The following DIPK1A variants were observed in gnomAD, a reference collection of about 807,000 sequenced individuals.
DIPK1A encodes family with sequence similarity 69 member A.
DIPK1A carries 27 observed loss-of-function variants against 40.8 expected under a neutral mutation model. That is an observed-to-expected ratio of 0.66 (90% CI 0.49 to 0.91). The LOEUF (loss-of-function observed/expected upper bound fraction) is 0.91. Among genes scored for constraint, DIPK1A ranks in the 40% least tolerant of loss-of-function variants. The pLI is 0.00. For synonymous variants in DIPK1A, 166 were observed against 171.3 expected (o/e 0.97, Z 0.24); for missense variants, 412 against 505.7 (o/e 0.81, Z 1.78).
intron 2 of DIPK1A, among the ~76,000 whole-genome samples, chr1:92,869,239 G>A (rs1647720598): frequency 6.6e-6 from 1 of 151,764 alleles, no homozygotes; most frequent in Non-Finnish European, 1.5e-5. Flanking sequence ...ATGGCTCACT[G>A]CAGCCTCGAC....
At chr1:92,924,696 T>A (rs1159789718) in intron 1 of DIPK1A, among the ~76,000 whole-genome samples, 2 of 152,202 alleles carry the variant, frequency 1.3e-5, no homozygotes, top group Non-Finnish European at 2.9e-5. Flanking sequence ...GCTCTAGATG[T>A]CGCAGTAGAT....
intron 4 of DIPK1A, among the ~76,000 whole-genome samples, chr1:92,835,699 G>A (rs1307510034): frequency 1.3e-5 from 2 of 151,380 alleles, no homozygotes; most frequent in African/African-American, 4.8e-5. Flanking sequence ...TAGTGTTTTG[G>A]AGAGTGGCCA....
intron 2 of DIPK1A, among the ~76,000 whole-genome samples, chr1:92,859,599 C>A (rs917000103): frequency 1.3e-5 from 2 of 152,214 alleles, no homozygotes; most frequent in South Asian, 4.1e-4. Flanking sequence ...AGCCAATGCT[C>A]GAGGCAGCTA....
chr1:92,894,560 T>C (rs917702677), intron 1 of DIPK1A, among the ~76,000 whole-genome samples: 3 of 151,982 alleles, frequency 2.0e-5, no homozygotes, highest in African/African-American at 7.3e-5. Context: ...AGGAAAGATC[T>C]AAAATTGACA....
intron 1 of DIPK1A, among the ~76,000 whole-genome samples, chr1:92,912,476 C>T (rs6604028): frequency 0.35 from 52,672 of 151,796 alleles, 9,604 homozygotes; most frequent in African/African-American, 0.37. Context: ...AAAATTCCCT[C>T]AGAACTAAAG....
chr1:92,937,756 T>C (rs1055465160), intron 1 of DIPK1A, among the ~76,000 whole-genome samples: 2 of 152,150 alleles, frequency 1.3e-5, no homozygotes, highest in African/African-American at 4.8e-5. Flanking sequence ...TAAAATGGTG[T>C]TCCTTGAGCA....
chr1:92,944,807 G>A (rs1651300244), intron 1 of DIPK1A, among the ~76,000 whole-genome samples: 10 of 151,978 alleles, frequency 6.6e-5, no homozygotes, highest in Admixed American at 6.6e-4. Context: ...CTTGAACCCA[G>A]GAATTTGAGA....
chr1:92,928,791 G>A lies in DIPK1A; in HGVS notation c.54+32585C>T, dbSNP rs1286256890. 5.9e-5 allele frequency among the ~76,000 whole-genome samples: 9 copies of A among 152,030 alleles called. No individual in the cohort carries two copies. In the East Asian group the frequency reaches 7.7e-4, roughly 13 times the overall value. ...AGCCTGGCCAACATGGCAAAACCCC[G>A]ACTCTACTAAAAATACAAAAATCAG... is the stretch of plus-strand genomic sequence containing the variant. On this transcript the variant is annotated intron_variant, in intron 1 of 4. Coordinates refer to ENST00000370310, the MANE Select transcript of DIPK1A (RefSeq NM_001006605.5).
intron 1 of DIPK1A, among the ~76,000 whole-genome samples, chr1:92,946,251 CATAATA>C (rs1283708943): frequency 2.0e-5 from 3 of 152,006 alleles, no homozygotes; most frequent in Non-Finnish European, 4.4e-5. Context: ...ATTAACAAGT[CATAATA>C]ATATAATATT....
chr1:92,942,720 C>T lies in DIPK1A; in HGVS notation c.54+18656G>A, dbSNP rs183132191. 4.5e-4 allele frequency among the ~76,000 whole-genome samples: 69 copies of T among 152,226 alleles called. 2 individuals carry two copies. In the South Asian group the frequency reaches 0.012, roughly 27 times the overall value. Reference sequence around the variant, plus strand: ...TGTCACCCAGGCTGGAGTGCAGTGGCGCGATCTTGGCTGACTGCAACCTCT... The same window carrying T: ...TGTCACCCAGGCTGGAGTGCAGTGGTGCGATCTTGGCTGACTGCAACCTCT... On this transcript the variant is annotated intron_variant, in intron 1 of 4. Coordinates refer to ENST00000370310, the MANE Select transcript of DIPK1A (RefSeq NM_001006605.5).
At chr1:92,925,666 G>C (rs958941012) in intron 1 of DIPK1A, among the ~76,000 whole-genome samples, 3 of 151,894 alleles carry the variant, frequency 2.0e-5, no homozygotes, top group Admixed American at 6.6e-5. Context: ...GCTTATTTTT[G>C]TATTTTTAGT....
chr1:92,896,352 A>G (rs1207832969), intron 1 of DIPK1A, among the ~76,000 whole-genome samples: 5 of 152,062 alleles, frequency 3.3e-5, no homozygotes, highest in African/African-American at 1.2e-4. Context: ...ATAATGCCAC[A>G]TATCTACAAC....
At chr1:92,870,363 T>C (rs955236179) in intron 2 of DIPK1A, among the ~76,000 whole-genome samples, 3 of 152,096 alleles carry the variant, frequency 2.0e-5, no homozygotes, top group Admixed American at 1.3e-4. Context: ...GTAGCTGGGA[T>C]TACAGGCACC....
At chr1:92,899,962 C>A (rs1004797464) in intron 1 of DIPK1A, among the ~76,000 whole-genome samples, 4 of 151,972 alleles carry the variant, frequency 2.6e-5, no homozygotes, top group African/African-American at 9.7e-5. Flanking sequence ...TCTCTCCTGG[C>A]CTGTAAGGTT....
chr1:92,833,276 A>T (rs549727048), intron 4 of DIPK1A: 1 of 855,526 alleles, frequency 1.2e-6, no homozygotes, highest in South Asian at 1.5e-5. Context: ...TACAAGTGAC[A>T]GTTGTCTGTT....
intron 1 of DIPK1A, among the ~76,000 whole-genome samples, chr1:92,911,824 A>T (rs1649837508): frequency 6.6e-6 from 1 of 151,722 alleles, no homozygotes; most frequent in Non-Finnish European, 1.5e-5. Flanking sequence ...AACATGGTGA[A>T]ACCTCATCTC....
intron 1 of DIPK1A, among the ~76,000 whole-genome samples, chr1:92,908,836 C>T (rs1028344940): frequency 1.4e-4 from 22 of 152,188 alleles, no homozygotes; most frequent in African/African-American, 4.3e-4. Context: ...ACACCAACTC[C>T]GCTGTCCCTA....
downstream of DIPK1A, chr1:92,841,710 A>G: frequency 9.3e-7 from 1 of 1,071,944 alleles, no homozygotes; most frequent in Non-Finnish European, 1.3e-6. Context: ...TTTTAAATTA[A>G]ATATTCTATT....
chr1:92,864,523 G>T (rs1475876375), intron 2 of DIPK1A, among the ~76,000 whole-genome samples: 3 of 152,148 alleles, frequency 2.0e-5, no homozygotes, highest in Non-Finnish European at 4.4e-5. Flanking sequence ...AAACAATATG[G>T]TCCTGAGAAA....
Sources: gnomAD v4.1 joint callset for allele counts (sites outside exome capture counted in the v4.1 genomes callset) on GRCh38, gnomAD v4.1.1 for gene constraint, MANE v1.5 for transcripts, NCBI Gene and HGNC (gene_info 2026-07-23, HGNC 2026-07-21) for gene names.